Variants in GUCY1A2 observed in about 807,000 individuals in gnomAD.
GUCY1A2 encodes the protein guanylate cyclase soluble subunit alpha-2.
A neutral mutation model predicts 63.5 loss-of-function variants in GUCY1A2; 27 were observed. The observed-to-expected ratio is 0.43, with a 90% CI of 0.31 to 0.59. The LOEUF (loss-of-function observed/expected upper bound fraction) is 0.59. Among genes scored for constraint, GUCY1A2 ranks in the 20% least tolerant of loss-of-function variants. The probability of loss-of-function intolerance (pLI) is 0.11; values close to 1 mark genes in which losing one functional copy is unlikely to be tolerated. For missense variants in GUCY1A2, 768 were observed against 913.3 expected, an observed-to-expected ratio of 0.84 and a Z score of 2.05; for synonymous variants, 364 against 343.5, an observed-to-expected ratio of 1.06 and a Z score of -0.66.
At chr11:106,699,130 C>CACTT (rs1231168664) in intron 7 of GUCY1A2, among the ~76,000 whole-genome samples, 2 of 152,246 alleles carry the variant, frequency 1.3e-5, no homozygotes, top group Admixed American at 1.3e-4. Flanking sequence ...ACATGTTTAA[C>CACTT]ACTTACTTTT....
chr11:106,871,718 T>C lies in GUCY1A2; in HGVS notation c.1207-61240A>G, dbSNP rs1373463679. Among the ~76,000 whole-genome samples, 3 of 152,158 alleles carry C rather than the reference T, an allele frequency of 2.0e-5. No homozygotes were observed. The East Asian group carries it at 5.8e-4, about 29-fold the overall frequency. On this transcript the variant is annotated intron_variant, in intron 4 of 7. Coordinates refer to ENST00000526355, the MANE Select transcript of GUCY1A2 (RefSeq NM_000855.3). ...GGACATATTTCTGGGACTCAACAAA[T>C]GTGCATTAAAAGAAAAGGTATGTCA...
intron 4 of GUCY1A2, among the ~76,000 whole-genome samples, chr11:106,888,796 C>A (rs543543038): frequency 5.3e-5 from 8 of 152,294 alleles, no homozygotes; most frequent in African/African-American, 1.9e-4. Context: ...AATCTGATTT[C>A]CTTTCCAATT....
chr11:106,858,317 A>T (rs553900869), intron 4 of GUCY1A2, among the ~76,000 whole-genome samples: 1 of 152,300 alleles, frequency 6.6e-6, no homozygotes, highest in Non-Finnish European at 1.5e-5. Context: ...AAAAGATTAG[A>T]TCATCTTGAA....
chr11:106,943,269 C>T (rs1860774928), intron 3 of GUCY1A2, among the ~76,000 whole-genome samples: 1 of 152,154 alleles, frequency 6.6e-6, no homozygotes, highest in Non-Finnish European at 1.5e-5. Flanking sequence ...GACGCAAACC[C>T]CCTACTTACA....
chr11:106,904,202 A>C (rs1361655770), intron 4 of GUCY1A2, among the ~76,000 whole-genome samples: 1 of 152,174 alleles, frequency 6.6e-6, no homozygotes, highest in Non-Finnish European at 1.5e-5. Context: ...CCTTTTCTGA[A>C]CAAAGCTGCG....
intron 4 of GUCY1A2, among the ~76,000 whole-genome samples, chr11:106,901,344 T>G (rs1414318190): frequency 6.6e-6 from 1 of 152,128 alleles, no homozygotes; most frequent in Non-Finnish European, 1.5e-5. Flanking sequence ...CTTCCTCCAC[T>G]AAAATCCTGA....
At chr11:106,768,323 C>G (rs1000689468) in intron 6 of GUCY1A2, among the ~76,000 whole-genome samples, 2 of 146,048 alleles carry the variant, frequency 1.4e-5, no homozygotes, top group African/African-American at 5.0e-5. Flanking sequence ...AATTTAAAAA[C>G]AAATTATTTT....
At chr11:106,913,986 CAAA>C (rs11325847) in intron 4 of GUCY1A2, among the ~76,000 whole-genome samples, 26 of 71,246 alleles carry the variant, frequency 3.6e-4, no homozygotes, top group African/African-American at 7.0e-4. Context: ...AATGAAAAAG[CAAA>C]AAAAAAAAAA....
At chr11:106,989,513 T>C (rs970245445) in intron 1 of GUCY1A2, among the ~76,000 whole-genome samples, 6 of 152,124 alleles carry the variant, frequency 3.9e-5, no homozygotes, top group African/African-American at 1.4e-4. Flanking sequence ...AGTCGGTGTG[T>C]AATAAATGAG....
intron 5 of GUCY1A2, among the ~76,000 whole-genome samples, chr11:106,778,770 T>G (rs1437192123): frequency 1.3e-5 from 2 of 152,122 alleles, no homozygotes; most frequent in African/African-American, 4.8e-5. Context: ...TTATTGAATA[T>G]TTGCTAAATG....
chr11:106,724,648 G>A (rs1302872624), intron 6 of GUCY1A2, among the ~76,000 whole-genome samples: 1 of 152,174 alleles, frequency 6.6e-6, no homozygotes, highest in South Asian at 2.1e-4. Context: ...TGAAAAATCA[G>A]TGTTTCACTC....
chr11:106,993,821 C>T (rs1235012207), intron 1 of GUCY1A2, among the ~76,000 whole-genome samples: 1 of 152,146 alleles, frequency 6.6e-6, no homozygotes, highest in African/African-American at 2.4e-5. Flanking sequence ...TCTGGGTAAT[C>T]ATAACCACAC....
At chr11:106,724,344 T>C (rs1225855091) in intron 6 of GUCY1A2, among the ~76,000 whole-genome samples, 1 of 152,214 alleles carries the variant, frequency 6.6e-6, no homozygotes. Flanking sequence ...TATAACCCAG[T>C]AAGGAACTTT....
intron 6 of GUCY1A2, among the ~76,000 whole-genome samples, chr11:106,770,785 T>C (rs1212081505): frequency 6.6e-6 from 1 of 151,152 alleles, no homozygotes; most frequent in Non-Finnish European, 1.5e-5. Context: ...TGCACATTAA[T>C]ATTCCTGCTT....
chr11:106,942,022 A>G (rs1383398274), intron 3 of GUCY1A2, among the ~76,000 whole-genome samples: 3 of 152,224 alleles, frequency 2.0e-5, no homozygotes, highest in Non-Finnish European at 4.4e-5. Context: ...CACTAACAAT[A>G]ATGTCAGCCA....
intron 4 of GUCY1A2, among the ~76,000 whole-genome samples, chr11:106,906,957 G>A (rs1424738027): frequency 6.6e-6 from 1 of 152,096 alleles, no homozygotes; most frequent in African/African-American, 2.4e-5. Flanking sequence ...CTAGGGGAGG[G>A]ATAGCATTAG....
At chr11:106,825,057 T>C in intron 4 of GUCY1A2, 1 of 949,510 alleles carries the variant, frequency 1.1e-6, no homozygotes. Flanking sequence ...TTCATAGATA[T>C]TTTATATGTA....
intron 5 of GUCY1A2, among the ~76,000 whole-genome samples, chr11:106,784,295 C>A (rs1256214430): frequency 6.6e-6 from 1 of 152,120 alleles, no homozygotes; most frequent in Non-Finnish European, 1.5e-5. Context: ...GTAGGTTATT[C>A]TCCCAGTATT....
At chr11:106,800,040 T>C (rs1259041476) in intron 5 of GUCY1A2, among the ~76,000 whole-genome samples, 2 of 151,948 alleles carry the variant, frequency 1.3e-5, no homozygotes, top group Non-Finnish European at 2.9e-5. Context: ...CAAACAAATT[T>C]ACAAGAAAAG....
Sources: allele counts gnomAD v4.1 joint callset (sites outside exome capture counted in the v4.1 genomes callset), GRCh38; gene constraint gnomAD v4.1.1; transcripts MANE v1.5; gene names NCBI Gene and HGNC (gene_info 2026-07-23, HGNC 2026-07-21).